ASXL2: variants seen among roughly 807,000 people sequenced by gnomAD.
ASXL2 encodes the protein putative Polycomb group protein ASXL2.
In ASXL2, 23 loss-of-function variants were observed where a neutral mutation model predicts 122.0. The observed-to-expected ratio is 0.19, with a 90% CI of 0.14 to 0.27. The LOEUF (loss-of-function observed/expected upper bound fraction) is 0.27. Among genes scored for constraint, ASXL2 ranks in the 10% least tolerant of loss-of-function variants. The probability of loss-of-function intolerance (pLI) is 1.00; values close to 1 mark genes in which losing one functional copy is unlikely to be tolerated. For missense variants in ASXL2, 1,518 were observed against 1,713.8 expected (o/e 0.89, Z 2.02); for synonymous variants, 650 against 637.0 (o/e 1.02, Z -0.31).
chr2:25,810,560 G>A (rs1425485945), intron 3 of ASXL2: 14 of 718,558 alleles, frequency 1.9e-5, no homozygotes, highest in East Asian at 1.1e-4. Flanking sequence ...TCAGCTTCTC[G>A]CTGGAGGTGC....
chr2:25,808,021 A>ACACACACACACT (rs766637532), intron 3 of ASXL2, among the ~76,000 whole-genome samples: 2 of 148,632 alleles, frequency 1.3e-5, no homozygotes, highest in African/African-American at 2.5e-5. Flanking sequence ...ACACACACAC[A>ACACACACACACT]CTCTCCACCC....
In ASXL2 at chr2:25,878,217, C is replaced by T. The variant is rs2090026502; in HGVS notation, c.6G>A (p.Arg2=). M[R]EKGRRKKGRT... is the part of the protein sequence containing the mutation. ...TGCCCTTCTTCCTACGTCCCTTTTC[C>T]CTCATGTCGGGTCTTGAACTGACTG... The change falls in exon 1 of 13, where the codon AGG becomes AGA. Residue 2 remains arginine (R), a synonymous_variant. Transcript: ENST00000435504. The T allele has an allele frequency of 1.2e-6, 2 of 1,613,816 alleles. No homozygotes were observed. Among genetic ancestry groups the T allele is most frequent in the Admixed American group, 1.7e-5 (1 of 60,012 alleles).
At chr2:25,809,376 T>A (rs1376581193) in intron 3 of ASXL2, among the ~76,000 whole-genome samples, 2 of 152,312 alleles carry the variant, frequency 1.3e-5, no homozygotes, top group East Asian at 3.9e-4. Context: ...TTTGTTTTTG[T>A]TGTTGTTTGG....
At chr2:25,776,766 T>C (rs979271849) in intron 5 of ASXL2, among the ~76,000 whole-genome samples, 1 of 152,198 alleles carries the variant, frequency 6.6e-6, no homozygotes, top group African/African-American at 2.4e-5. Context: ...CTCAAGACTA[T>C]ACATTTCCTC....
chr2:25,837,001 A>C (rs2089518765), intron 2 of ASXL2, among the ~76,000 whole-genome samples: 1 of 147,158 alleles, frequency 6.8e-6, no homozygotes, highest in Non-Finnish European at 1.5e-5. Flanking sequence ...TAAAAACTCT[A>C]TTTCTCTATT....
At chr2:25,802,427 C>G (rs2089014292) in intron 4 of ASXL2, among the ~76,000 whole-genome samples, 3 of 152,126 alleles carry the variant, frequency 2.0e-5, no homozygotes, top group Admixed American at 1.3e-4. Flanking sequence ...AGTTCCTGGC[C>G]TAGAGCTCTT....
chr2:25,808,934 A>G (rs1271187704), intron 3 of ASXL2, among the ~76,000 whole-genome samples: 1 of 152,190 alleles, frequency 6.6e-6, no homozygotes, highest in African/African-American at 2.4e-5. Flanking sequence ...CACACACTGT[A>G]TAGGCTGTCA....
At position 25,756,008 on chromosome 2, in the gene ASXL2, G is replaced by C. The variant is rs776353796; in HGVS notation, c.1036+10C>G. 1.2e-6 allele frequency: 2 copies of C among 1,607,782 alleles called. No homozygotes were observed. Among genetic ancestry groups the C allele is most frequent in the Admixed American group, 3.3e-5 (2 of 60,010 alleles). On this transcript the variant is annotated intron_variant, in intron 10 of 12. Transcript: ENST00000435504. ...CACCACCTGGGAGACACATTAAGTA[G>C]AGCACTTACCTTCTGAGAGTCTTTC...
intron 5 of ASXL2, among the ~76,000 whole-genome samples, chr2:25,781,690 A>T (rs910752887): frequency 7.8e-6 from 1 of 127,410 alleles, no homozygotes; most frequent in Non-Finnish European, 1.6e-5. Flanking sequence ...TTTTTTTGAG[A>T]CAGAGTCATT....
intron 1 of ASXL2, among the ~76,000 whole-genome samples, chr2:25,866,469 C>G (rs992433202): frequency 2.6e-5 from 4 of 152,116 alleles, no homozygotes; most frequent in African/African-American, 9.7e-5. Context: ...TCAGCAAATT[C>G]CCTATGGGAG....
At chr2:25,863,842 C>T (rs1356853052) in intron 1 of ASXL2, among the ~76,000 whole-genome samples, 1 of 151,420 alleles carries the variant, frequency 6.6e-6, no homozygotes, top group Non-Finnish European at 1.5e-5. Flanking sequence ...TCCATCTCTA[C>T]TAAAAGTACA....
rs752335772 is a variant in ASXL2, at chr2:25,737,294, A to AAT, written c.*4733_*4734dup. 29 of 152,274 alleles carry AAT rather than the reference A, an allele frequency of 1.9e-4. No homozygotes were observed. The highest frequency in any genetic ancestry group is 4.3e-4 in the Non-Finnish European group (29 of 68,018). 9.4% of individuals were successfully genotyped at this position (152,274 alleles called of 1,614,324 possible). A position where few individuals can be genotyped will look rare whatever the true frequency, so the allele number is the denominator to read the frequency against. ...TAAGGCCTGGAAAGTGGTGGCAGTA[A>AAT]ATGTCAACCACTGTGGAGAAAGGAA... is the stretch of plus-strand genomic sequence containing the variant. On this transcript the variant is annotated 3_prime_UTR_variant, in exon 13 of 13. Coordinates refer to ENST00000435504, the MANE Select transcript of ASXL2 (RefSeq NM_018263.6).
At chr2:25,766,975 C>T (rs1574405232) in intron 8 of ASXL2, among the ~76,000 whole-genome samples, 1 of 152,312 alleles carries the variant, frequency 6.6e-6, no homozygotes, top group East Asian at 1.9e-4. Flanking sequence ...TATGTGGCTG[C>T]TTTATCCCTG....
intron 2 of ASXL2, among the ~76,000 whole-genome samples, chr2:25,839,691 C>T (rs536489217): frequency 2.6e-4 from 38 of 146,432 alleles, no homozygotes; most frequent in African/African-American, 8.8e-4. Context: ...GGCACGATCA[C>T]GGCTCATTGC....
chr2:25,873,646 A>C (rs1329152671), intron 1 of ASXL2, among the ~76,000 whole-genome samples: 1 of 151,868 alleles, frequency 6.6e-6, no homozygotes, highest in Non-Finnish European at 1.5e-5. Flanking sequence ...ATATATTAAA[A>C]AAAAAAACAA....
In ASXL2 at chr2:25,742,590, C is replaced by G. The variant is rs1156706109; in HGVS notation, c.3747G>C (p.Leu1249=). ...EQTTLSKENY[L]FTRGQTFDEK... ...CATCAAATGTTTGGCCTCTAGTGAA[C>G]AGGTAATTCTCCTTACTTAAAGTGG... The change falls in exon 13 of 13, where the codon CTG becomes CTC. Residue 1249 remains leucine, a synonymous_variant. Transcript: ENST00000435504. The G allele has an allele frequency of 1.2e-5, 20 of 1,613,872 alleles. No individual in the cohort carries two copies. The highest frequency in any genetic ancestry group is 1.5e-5 in the Non-Finnish European group (18 of 1,179,896).
Position 25,816,739 on chromosome 2 carries a change from C to G in ASXL2, c.144-10402G>C, listed in dbSNP as rs149167250. ...GGAAACATTTGCTTTCTTAGCAATA[C>G]TCACTGCCAAAAGACAGCAAAAAAA... On this transcript the variant is annotated intron_variant, in intron 3 of 12. Transcript: ENST00000435504. 1.7e-3 allele frequency among the ~76,000 whole-genome samples: 254 copies of G among 152,262 alleles called. 1 individual carries two copies. The highest frequency in any genetic ancestry group is 5.7e-3 in the African/African-American group (235 of 41,548).
At chr2:25,845,426 C>A in intron 2 of ASXL2, 55 bp downstream of exon 2, 2 of 1,326,206 alleles carry the variant, frequency 1.5e-6, no homozygotes, top group Middle Eastern at 2.3e-4. Context: ...TTATATACTA[C>A]CAAATACTCT....
chr2:25,749,878 C>G lies in ASXL2; in HGVS notation c.1678G>C (p.Asp560His). 2 of 1,611,180 alleles carry G rather than the reference C, an allele frequency of 1.2e-6. No homozygotes were observed. Among genetic ancestry groups the G allele is most frequent in the Non-Finnish European group, 1.7e-6 (2 of 1,179,010 alleles). Residue 560 changes from aspartate to histidine, a missense_variant, in exon 12 of 13, where the codon GAT becomes CAT. Around this residue, in one of 8 missense-constraint regions of ASXL2, gnomAD observed 292 missense variants for 293.5 expected, o/e 1.00. Coordinates refer to ENST00000435504, the MANE Select transcript of ASXL2 (RefSeq NM_018263.6). ...CTCTTGAGGCTTTCTGGGCTCTGAT[C>G]AACAAGAGTTGCTAGAGGTTCTTTC... Reference protein sequence around the residue: ...NMKEPLATLVDQSPESLKRKS... With the variant: ...NMKEPLATLVHQSPESLKRKS...
Sources: gnomAD v4.1 joint callset for allele counts (sites outside exome capture counted in the v4.1 genomes callset) on GRCh38, gnomAD v4.1.1 for gene constraint, gnomAD v4.1.1 regional missense constraint, MANE v1.5 for transcripts, NCBI Gene and HGNC (gene_info 2026-07-23, HGNC 2026-07-21) for gene names.